The following OPHN1 variants were observed in gnomAD, a reference collection of about 807,000 sequenced individuals.
OPHN1 encodes oligophrenin 1, also known as oligophrenin-1.
Under a neutral mutation model 60.7 loss-of-function variants are expected in OPHN1, and 11 were observed. The observed-to-expected ratio is 0.18, with a 90% CI of 0.11 to 0.30. OPHN1 has a LOEUF of 0.30. OPHN1 is among the 10% of genes least tolerant of loss of function. The pLI, the probability that OPHN1 is intolerant of heterozygous loss-of-function variation, is 1.00. For synonymous variants in OPHN1, 226 were observed against 222.6 expected (o/e 1.02, Z -0.14); for missense variants, 449 against 611.0 (o/e 0.73, Z 2.80).
chrX:68,088,450 T>C (rs2077003792), intron 19 of OPHN1, among the ~76,000 whole-genome samples: 1 of 111,907 alleles, frequency 8.9e-6, no homozygotes, highest in Admixed American at 9.5e-5. Flanking sequence ...GCAGTTTCTT[T>C]TTAGATCAAC....
chrX:68,078,984 A>AAAATAAGTAAAT (rs1555933358), intron 19 of OPHN1, among the ~76,000 whole-genome samples: 1 of 102,032 alleles, frequency 9.8e-6, no homozygotes, highest in South Asian at 4.5e-4. Flanking sequence ...AGACTGTCTC[A>AAAATAAGTAAAT]AAATAAATAA....
intron 6 of OPHN1, among the ~76,000 whole-genome samples, chrX:68,216,377 T>C (rs1285752122): frequency 9.0e-6 from 1 of 111,199 alleles, no homozygotes; most frequent in Non-Finnish European, 1.9e-5. Flanking sequence ...TAGTAGATAC[T>C]ATTACACCAT....
intron 6 of OPHN1, among the ~76,000 whole-genome samples, chrX:68,223,407 T>C (rs763837845): frequency 4.4e-5 from 5 of 112,423 alleles, no homozygotes; most frequent in Non-Finnish European, 9.4e-5. Flanking sequence ...TAATGTCTTT[T>C]ACAGAAACTG....
intron 10 of OPHN1, among the ~76,000 whole-genome samples, chrX:68,204,412 T>G (rs1434023041): frequency 8.9e-6 from 1 of 111,758 alleles, no homozygotes; most frequent in Admixed American, 9.6e-5. Context: ...TGACTTCACA[T>G]AGCTGCTAGG....
At chrX:68,339,659 G>A (rs1318590439) in intron 2 of OPHN1, among the ~76,000 whole-genome samples, 2 of 111,945 alleles carry the variant, frequency 1.8e-5, no homozygotes. Flanking sequence ...CTGGAGTGCA[G>A]TGGCAGAATC....
chrX:68,319,316 CA>C (rs1447496842), intron 2 of OPHN1, among the ~76,000 whole-genome samples: 1 of 111,930 alleles, frequency 8.9e-6, no homozygotes, highest in Non-Finnish European at 1.9e-5. Flanking sequence ...AAAATTATCT[CA>C]AAATGCATCA....
chrX:68,068,620 T>C (rs1174321187), intron 20 of OPHN1, among the ~76,000 whole-genome samples: 1 of 109,866 alleles, frequency 9.1e-6, no homozygotes, highest in Admixed American at 9.8e-5. Context: ...CCACACAAAA[T>C]CCTGTGCATG....
intron 2 of OPHN1, among the ~76,000 whole-genome samples, chrX:68,347,835 T>C (rs1019511171): frequency 2.9e-5 from 3 of 102,468 alleles, no homozygotes; most frequent in Non-Finnish European, 5.8e-5. Flanking sequence ...GTCAGGCTAA[T>C]GTGTGGGGAA....
chrX:68,329,477 A>G (rs889663028), intron 2 of OPHN1, among the ~76,000 whole-genome samples: 18 of 112,384 alleles, frequency 1.6e-4, no homozygotes, highest in Non-Finnish European at 2.8e-4. Flanking sequence ...AATATGTAGT[A>G]TATAGTAGGA....
chrX:68,136,595 G>T (rs536844789), intron 15 of OPHN1, among the ~76,000 whole-genome samples: 2 of 111,310 alleles, frequency 1.8e-5, no homozygotes, highest in Non-Finnish European at 3.8e-5. Flanking sequence ...GAGCCACCGC[G>T]CTTGGCCTAG....
At chrX:68,074,995 A>G (rs1030850165) in intron 19 of OPHN1, among the ~76,000 whole-genome samples, 2 of 112,946 alleles carry the variant, frequency 1.8e-5, no homozygotes, top group African/African-American at 6.4e-5. Flanking sequence ...CGGCCAAGAT[A>G]GGGCACAGAA....
At chrX:68,067,434 C>T (rs1229697622) in intron 20 of OPHN1, among the ~76,000 whole-genome samples, 2 of 110,076 alleles carry the variant, frequency 1.8e-5, no homozygotes, top group Non-Finnish European at 3.8e-5. Flanking sequence ...ATGCCATGCT[C>T]AGGAATACAA....
Position 68,234,577 on chromosome X carries a change from C to A in OPHN1, c.396G>T (p.Lys132Asn), listed in dbSNP as rs1239134423. The change falls in exon 6 of 25, where the codon AAG becomes AAT. Residue 132 changes from lysine (K) to asparagine (N), a missense_variant. Lys to Asn is a moderately conservative substitution (Grantham distance 94). Transcript: ENST00000355520. The part of the protein sequence containing the change: ...EQIGFTKERK[K>N]KFEKDGERFY... ...ACCTCTCACCATCCTTTTCAAATTT[C>A]TTTTTCCGCTCCTAAAGGTGGGAAA... is the stretch of plus-strand genomic sequence containing the variant. 2 of 1,191,252 alleles carry A rather than the reference C, an allele frequency of 1.7e-6. No homozygotes were observed. The highest frequency in any genetic ancestry group is 3.5e-5 in the African/African-American group (2 of 56,802).
chrX:68,123,161 A>AAG (rs970647913), intron 15 of OPHN1, among the ~76,000 whole-genome samples: 2 of 111,564 alleles, frequency 1.8e-5, no homozygotes, highest in African/African-American at 6.5e-5. Flanking sequence ...CTTACAGGCC[A>AAG]AGAGAGAGTG....
intron 2 of OPHN1, 80 bp downstream of exon 2, chrX:68,432,787 C>T (rs1170107898): frequency 4.3e-5 from 47 of 1,095,198 alleles, no homozygotes; most frequent in Non-Finnish European, 5.5e-5. Context: ...CTGCAATCTC[C>T]CTTCCCCTGG....
chrX:68,330,649 A>G (rs2078289835), intron 2 of OPHN1, among the ~76,000 whole-genome samples: 1 of 109,700 alleles, frequency 9.1e-6, no homozygotes, highest in Admixed American at 1.0e-4. Flanking sequence ...AAAAAAGTGA[A>G]GAATGAATTA....
At position 68,185,843 on chromosome X, in the gene OPHN1, T is replaced by C. The variant is rs370968970; in HGVS notation, c.1276+7076A>G. On this transcript the variant is annotated intron_variant, in intron 15 of 24. Transcript: ENST00000355520. Reference sequence around the variant, plus strand: ...GATAAACAATAAGACCTGGAAAAAATTGAAAGCCAATGGAGTTCAAGCAGA... The same window carrying C: ...GATAAACAATAAGACCTGGAAAAAACTGAAAGCCAATGGAGTTCAAGCAGA... Among the ~76,000 whole-genome samples, 5 of 109,327 alleles carry C rather than the reference T, an allele frequency of 4.6e-5. No individual in the cohort carries two copies. In the South Asian group the frequency reaches 1.6e-3, roughly 34 times the overall value. 94.9% of individuals were successfully genotyped at this position (109,327 alleles called of 115,157 possible).
chrX:68,428,697 G>A (rs2078871419), intron 2 of OPHN1, among the ~76,000 whole-genome samples: 1 of 112,177 alleles, frequency 8.9e-6, no homozygotes, highest in South Asian at 3.7e-4. Flanking sequence ...ATGAGCAGGG[G>A]CCACATCACT....
intron 2 of OPHN1, among the ~76,000 whole-genome samples, chrX:68,312,833 C>A (rs774546355): frequency 9.0e-6 from 1 of 111,340 alleles, no homozygotes; most frequent in Non-Finnish European, 1.9e-5. Flanking sequence ...GGACCGAGCA[C>A]GGTGGCTCAT....
Sources: gnomAD v4.1 joint callset for allele counts (sites outside exome capture counted in the v4.1 genomes callset) on GRCh38, gnomAD v4.1.1 for gene constraint, MANE v1.5 for transcripts, NCBI Gene and HGNC (gene_info 2026-07-23, HGNC 2026-07-21) for gene names.